The following KCNMB2 variants were observed in gnomAD, a reference collection of about 807,000 sequenced individuals.
The protein encoded by KCNMB2 is calcium-activated potassium channel subunit beta-2.
In KCNMB2, 9 loss-of-function variants were observed where a neutral mutation model predicts 24.5. That is an observed-to-expected ratio of 0.37 (90% CI 0.22 to 0.64). The LOEUF (loss-of-function observed/expected upper bound fraction) is 0.64, where lower values mean the gene tolerates loss of function less well. Among genes scored for constraint, KCNMB2 ranks in the 30% least tolerant of loss-of-function variants. The pLI is 0.63. For synonymous variants in KCNMB2, 109 were observed against 104.4 expected (o/e 1.04, Z -0.27); for missense variants, 226 against 284.3 (o/e 0.79, Z 1.47).
Position 178,822,106 on chromosome 3 carries a change from C to T in KCNMB2, c.57-3482C>T, listed in dbSNP as rs948037055. 7.2e-5 allele frequency among the ~76,000 whole-genome samples: 11 copies of T among 152,212 alleles called. No individual in the cohort carries two copies. The East Asian group carries it at 7.7e-4, about 11-fold the overall frequency. On this transcript the variant is annotated intron_variant, in intron 2 of 4. Coordinates refer to ENST00000452583, the MANE Select transcript of KCNMB2 (RefSeq NM_181361.3). Reference sequence around the variant, plus strand: ...ACTTACAAAACCCTTCATGGCCTACCTACCTTTGCAAACTCATCTGCCTCT... The same window carrying T: ...ACTTACAAAACCCTTCATGGCCTACTTACCTTTGCAAACTCATCTGCCTCT...
At chr3:178,733,101 T>C (rs896514362) in intron 1 of KCNMB2, among the ~76,000 whole-genome samples, 1 of 152,198 alleles carries the variant, frequency 6.6e-6, no homozygotes, top group African/African-American at 2.4e-5. Context: ...ATAGAGTAGA[T>C]AAATGGGGTA....
chr3:178,786,410 G>A (rs1028800577), intron 1 of KCNMB2, among the ~76,000 whole-genome samples: 2 of 152,058 alleles, frequency 1.3e-5, no homozygotes, highest in African/African-American at 2.4e-5. Context: ...TTAGAGATAG[G>A]GCTCCATGGG....
intron 1 of KCNMB2, among the ~76,000 whole-genome samples, chr3:178,615,275 C>A (rs1718663955): frequency 1.3e-5 from 2 of 152,184 alleles, no homozygotes; most frequent in Admixed American, 1.3e-4. Flanking sequence ...CATTCCCTGG[C>A]TACTGCCTAT....
chr3:178,691,105 G>GTTTTTTTTTTTTTTTTTTTTTT (rs1310077931), intron 1 of KCNMB2, among the ~76,000 whole-genome samples: 26 of 32,916 alleles, frequency 7.9e-4, no homozygotes, highest in African/African-American at 3.5e-3. Flanking sequence ...TCCCCATTAA[G>GTTTTTTTTTTTTTTTTTTTTTT]TCTTTTTTTT....
intron 1 of KCNMB2, among the ~76,000 whole-genome samples, chr3:178,589,468 G>GT (rs1020943303): frequency 9.2e-5 from 14 of 151,810 alleles, no homozygotes; most frequent in South Asian, 2.1e-4. Context: ...GGGAGGTTGT[G>GT]TTTTTTTTGT....
intron 1 of KCNMB2, among the ~76,000 whole-genome samples, chr3:178,574,351 C>T (rs1422209522): frequency 6.6e-6 from 1 of 152,206 alleles, no homozygotes; most frequent in Non-Finnish European, 1.5e-5. Context: ...CCTGGGGCTT[C>T]AGAACTAAGT....
chr3:178,612,781 T>C (rs1294019961), intron 1 of KCNMB2, among the ~76,000 whole-genome samples: 1 of 152,128 alleles, frequency 6.6e-6, no homozygotes, highest in Non-Finnish European at 1.5e-5. Context: ...CATTTTGTTA[T>C]TTGTTTTCTG....
chr3:178,717,861 G>A (rs1349953622), intron 1 of KCNMB2, among the ~76,000 whole-genome samples: 1 of 150,906 alleles, frequency 6.6e-6, no homozygotes, highest in Non-Finnish European at 1.5e-5. Flanking sequence ...AGGAAGAACA[G>A]AGTCAGAATT....
At chr3:178,829,497 T>C (rs1033842441) in intron 4 of KCNMB2, among the ~76,000 whole-genome samples, 6 of 152,214 alleles carry the variant, frequency 3.9e-5, no homozygotes, top group African/African-American at 1.4e-4. Flanking sequence ...TTTCAGAGAA[T>C]GTTGTTTGAA....
intron 1 of KCNMB2, among the ~76,000 whole-genome samples, chr3:178,685,726 A>G (rs1158189415): frequency 6.6e-6 from 1 of 152,210 alleles, no homozygotes; most frequent in Non-Finnish European, 1.5e-5. Context: ...TTAATCAATA[A>G]CGTTCCCACA....
chr3:178,686,483 T>A (rs866961426), intron 1 of KCNMB2, among the ~76,000 whole-genome samples: 1 of 152,184 alleles, frequency 6.6e-6, no homozygotes, highest in African/African-American at 2.4e-5. Flanking sequence ...CTTCTGAGTA[T>A]GGGAAGGGCA....
rs929680915 is a variant in KCNMB2, at chr3:178,589,063, T to C, written c.-68+52352T>C. On this transcript the variant is annotated intron_variant, in intron 1 of 4. Coordinates refer to ENST00000452583, the MANE Select transcript of KCNMB2 (RefSeq NM_181361.3). ...AGGGTTGCTTTTTTAAACCATCTTC[T>C]ATGGCCTTAAAAAAGACTCTTCACT... Among the ~76,000 whole-genome samples the C allele has an allele frequency of 6.6e-5, 10 of 152,312 alleles. No homozygotes were observed. In the East Asian group the frequency reaches 1.9e-3, roughly 29 times the overall value.
At chr3:178,571,140 A>G (rs555197615) in intron 1 of KCNMB2, among the ~76,000 whole-genome samples, 2 of 152,180 alleles carry the variant, frequency 1.3e-5, no homozygotes, top group South Asian at 4.1e-4. Context: ...TCTCTAATTT[A>G]TTACAATTTT....
At chr3:178,842,317 G>A (rs1274932530) in intron 4 of KCNMB2, among the ~76,000 whole-genome samples, 1 of 152,012 alleles carries the variant, frequency 6.6e-6, no homozygotes, top group Non-Finnish European at 1.5e-5. Flanking sequence ...ACCATACCTA[G>A]CTATGGCAAA....
At chr3:178,661,235 G>A (rs963197032) in intron 1 of KCNMB2, among the ~76,000 whole-genome samples, 1 of 151,584 alleles carries the variant, frequency 6.6e-6, no homozygotes, top group Non-Finnish European at 1.5e-5. Flanking sequence ...AGAACATGCA[G>A]TGTCTGGTTT....
chr3:178,766,223 T>TA (rs1712114096), intron 1 of KCNMB2, among the ~76,000 whole-genome samples: 1 of 152,192 alleles, frequency 6.6e-6, no homozygotes, highest in African/African-American at 2.4e-5. Flanking sequence ...AGATAGGGCC[T>TA]TTCTCTGTCA....
intron 2 of KCNMB2, among the ~76,000 whole-genome samples, chr3:178,819,308 A>T (rs1228976737): frequency 6.6e-6 from 1 of 152,188 alleles, no homozygotes; most frequent in African/African-American, 2.4e-5. Flanking sequence ...TGATCACTGT[A>T]ACCCTACACA....
At chr3:178,758,217 TATATATATATATATATCCAAGGGG>T (rs1724264309) in intron 1 of KCNMB2, among the ~76,000 whole-genome samples, 1 of 29,040 alleles carries the variant, frequency 3.4e-5, no homozygotes, top group Non-Finnish European at 6.0e-5. Flanking sequence ...TCCAAGGGGA[TATATATATATATATATCCAAGGGG>T]ATATATATAT....
intron 1 of KCNMB2, among the ~76,000 whole-genome samples, chr3:178,622,833 G>A (rs916713025): frequency 6.6e-6 from 1 of 152,104 alleles, no homozygotes; most frequent in South Asian, 2.1e-4. Context: ...TCCTTTAATT[G>A]GACCATAACA....
Sources: gnomAD v4.1 joint callset for allele counts (sites outside exome capture counted in the v4.1 genomes callset) on GRCh38, gnomAD v4.1.1 for gene constraint, MANE v1.5 for transcripts, NCBI Gene and HGNC (gene_info 2026-07-23, HGNC 2026-07-21) for gene names.